The following DSCAM variants were observed in gnomAD, a reference collection of about 807,000 sequenced individuals.
DSCAM encodes DS cell adhesion molecule, also known as cell adhesion molecule DSCAM.
Under a neutral mutation model 217.7 loss-of-function variants are expected in DSCAM, and 47 were observed. That is an observed-to-expected ratio of 0.22 (90% CI 0.17 to 0.28). The LOEUF (loss-of-function observed/expected upper bound fraction) is 0.28. Ranked by LOEUF, DSCAM falls within the 10% of genes least tolerant of loss-of-function variation. The pLI is 1.00. For synonymous variants in DSCAM, 1,056 were observed against 1,015.3 expected, an observed-to-expected ratio of 1.04 and a Z score of -0.76; for missense variants, 2,080 against 2,618.3, an observed-to-expected ratio of 0.79 and a Z score of 4.49.
At chr21:40,772,163 T>C (rs527527616) in intron 1 of DSCAM, among the ~76,000 whole-genome samples, 1 of 152,202 alleles carries the variant, frequency 6.6e-6, no homozygotes, top group South Asian at 2.1e-4. Flanking sequence ...TAAAAAGTGA[T>C]TTGTTTCTGT....
At chr21:40,400,178 T>G (rs1431372798) in intron 3 of DSCAM, among the ~76,000 whole-genome samples, 1 of 152,216 alleles carries the variant, frequency 6.6e-6, no homozygotes, top group Non-Finnish European at 1.5e-5. Flanking sequence ...GAGGTTTCAT[T>G]ATGTGATTTG....
intron 20 of DSCAM, among the ~76,000 whole-genome samples, chr21:40,095,039 T>C (rs1305130234): frequency 6.6e-6 from 1 of 152,204 alleles, no homozygotes; most frequent in Non-Finnish European, 1.5e-5. Context: ...CTAGGTAATT[T>C]ATAAATAAAA....
rs2123507900 is a variant in DSCAM at position 40,803,423 on chromosome 21, G to T, written c.43+43196C>A. ...GAAGGACCACTAAAGCCACCTATAG[G>T]AGTGACTCAAATTCTGTTAAAGCAA... On this transcript the variant is annotated intron_variant, in intron 1 of 32. Transcript: ENST00000400454. Among the ~76,000 whole-genome samples the T allele has an allele frequency of 1.3e-5, 2 of 152,216 alleles. 1 individual carries two copies. Among genetic ancestry groups the T allele is most frequent in the Non-Finnish European group, 2.9e-5 (2 of 68,010 alleles).
At chr21:40,601,633 G>T (rs1158196536) in intron 3 of DSCAM, among the ~76,000 whole-genome samples, 1 of 152,178 alleles carries the variant, frequency 6.6e-6, no homozygotes, top group African/African-American at 2.4e-5. Flanking sequence ...TAAGTATGAT[G>T]TCTGTTATAG....
At chr21:40,834,167 G>A (rs1453678423) in intron 1 of DSCAM, among the ~76,000 whole-genome samples, 1 of 151,852 alleles carries the variant, frequency 6.6e-6, no homozygotes, top group Non-Finnish European at 1.5e-5. Context: ...TGCCCAGTTT[G>A]GGAGGCCGAG....
In DSCAM at chr21:40,311,744, A is replaced by T. The variant is rs370716685; in HGVS notation, c.2062+337T>A. Among the ~76,000 whole-genome samples the T allele has an allele frequency of 3.3e-4, 50 of 152,284 alleles. No individual in the cohort carries two copies. In the South Asian group the frequency reaches 9.1e-3, roughly 28 times the overall value. Reference sequence around the variant, plus strand: ...TAAGAAATACTAAAAATATTATATGAATACAATAAAGCAAAAGCTCACGGA... The same window carrying T: ...TAAGAAATACTAAAAATATTATATGTATACAATAAAGCAAAAGCTCACGGA... On this transcript the variant is annotated intron_variant, in intron 9 of 32. Transcript: ENST00000400454.
intron 3 of DSCAM, among the ~76,000 whole-genome samples, chr21:40,474,799 G>A (rs186304885): frequency 7.2e-5 from 11 of 152,288 alleles, no homozygotes; most frequent in Non-Finnish European, 1.5e-4. Flanking sequence ...AGGGCAGTCC[G>A]TGTCCATTAG....
chr21:40,686,150 C>T (rs2090471669), intron 3 of DSCAM, among the ~76,000 whole-genome samples: 1 of 148,836 alleles, frequency 6.7e-6, no homozygotes, highest in Non-Finnish European at 1.5e-5. Context: ...CACACACACC[C>T]CCTGCATATA....
intron 3 of DSCAM, among the ~76,000 whole-genome samples, chr21:40,561,141 C>CAT (rs1249122904): frequency 1.3e-5 from 2 of 152,180 alleles, no homozygotes; most frequent in African/African-American, 4.8e-5. Context: ...TTGGTAAGAG[C>CAT]ATAGGCTTTC....
intron 3 of DSCAM, among the ~76,000 whole-genome samples, chr21:40,563,379 G>GAA: frequency 6.6e-6 from 1 of 150,676 alleles, no homozygotes; most frequent in East Asian, 2.0e-4. Context: ...TATTATCATT[G>GAA]ATCTGGTGGA....
chr21:40,420,271 A>G (rs2837619), intron 3 of DSCAM, among the ~76,000 whole-genome samples: 58,314 of 152,042 alleles, frequency 0.38, 12,770 homozygotes, highest in Non-Finnish European at 0.48. Flanking sequence ...GACTAAAAGG[A>G]AACAGTTTGA....
At chr21:40,706,193 AAAAGAAAG>A (rs1198503107) in intron 2 of DSCAM, among the ~76,000 whole-genome samples, 2 of 148,894 alleles carry the variant, frequency 1.3e-5, no homozygotes, top group East Asian at 2.0e-4. Context: ...AAAAAAAAAA[AAAAGAAAG>A]AAAGAAAGAA....
intron 14 of DSCAM, among the ~76,000 whole-genome samples, chr21:40,184,353 G>A (rs544374457): frequency 6.6e-6 from 1 of 152,268 alleles, no homozygotes; most frequent in South Asian, 2.1e-4. Flanking sequence ...TTCCTCCCAG[G>A]GCTTCCAAAC....
intron 16 of DSCAM, among the ~76,000 whole-genome samples, chr21:40,155,142 A>G (rs2090462713): frequency 6.6e-6 from 1 of 152,200 alleles, no homozygotes; most frequent in African/African-American, 2.4e-5. Flanking sequence ...TTCCTCATAC[A>G]TCACACCACC....
chr21:40,430,737 C>T (rs1287692515), intron 3 of DSCAM, among the ~76,000 whole-genome samples: 1 of 152,234 alleles, frequency 6.6e-6, no homozygotes, highest in Non-Finnish European at 1.5e-5. Context: ...TGTCTATCTT[C>T]CTCCTGTGTA....
chr21:40,825,789 T>G (rs1202459701), intron 1 of DSCAM, among the ~76,000 whole-genome samples: 1 of 152,192 alleles, frequency 6.6e-6, no homozygotes, highest in African/African-American at 2.4e-5. Flanking sequence ...GGCATAATGC[T>G]TGTTGATCTT....
In DSCAM at chr21:40,664,733, C is replaced by T. The variant is rs556124169; in HGVS notation, c.508+28077G>A. Among the ~76,000 whole-genome samples, 16 of 152,218 alleles carry T rather than the reference C, an allele frequency of 1.1e-4. No homozygotes were observed. The East Asian group carries it at 2.5e-3, about 24-fold the overall frequency. On this transcript the variant is annotated intron_variant, in intron 3 of 32. Coordinates refer to ENST00000400454, the MANE Select transcript of DSCAM (RefSeq NM_001389.5). ...AAATAAGGGACAACAGTGGATGTGACGAAGAACCTATTTTGAGGACTTTTG... is the reference window on the plus strand; with the variant it reads ...AAATAAGGGACAACAGTGGATGTGATGAAGAACCTATTTTGAGGACTTTTG...
intron 3 of DSCAM, among the ~76,000 whole-genome samples, chr21:40,393,364 A>G (rs1227170516): frequency 6.6e-6 from 1 of 152,222 alleles, no homozygotes; most frequent in Non-Finnish European, 1.5e-5. Context: ...AGATTTAAAC[A>G]TGAAAAGACA....
At chr21:40,714,523 T>C (rs1432346661) in intron 1 of DSCAM, among the ~76,000 whole-genome samples, 1 of 152,260 alleles carries the variant, frequency 6.6e-6, no homozygotes, top group African/African-American at 2.4e-5. Context: ...TGTTGGGTTT[T>C]AGATTTACTT....
Sources: gnomAD v4.1 joint callset for allele counts (sites outside exome capture counted in the v4.1 genomes callset) on GRCh38, gnomAD v4.1.1 for gene constraint, MANE v1.5 for transcripts, NCBI Gene and HGNC (gene_info 2026-07-23, HGNC 2026-07-21) for gene names.